Variants in NWD2 observed in about 807,000 individuals in gnomAD.
The protein encoded by NWD2 is NACHT and WD repeat domain-containing protein 2.
Under a neutral mutation model 132.7 loss-of-function variants are expected in NWD2, and 37 were observed. That is an observed-to-expected ratio of 0.28 (90% CI 0.21 to 0.37). The LOEUF (loss-of-function observed/expected upper bound fraction) is 0.37, where lower values mean the gene tolerates loss of function less well. NWD2 is among the 10% of genes least tolerant of loss of function. NWD2 has a pLI of 1.00. For missense variants in NWD2, 1,592 were observed against 2,122.4 expected, an observed-to-expected ratio of 0.75 and a Z score of 4.91; for synonymous variants, 705 against 803.0, an observed-to-expected ratio of 0.88 and a Z score of 2.06.
intron 6 of NWD2, among the ~76,000 whole-genome samples, chr4:37,442,367 T>G (rs183482831): frequency 6.6e-6 from 1 of 152,320 alleles, no homozygotes; most frequent in East Asian, 1.9e-4. Context: ...AAGACTAAAC[T>G]TAGTGGGCTC....
chr4:37,297,048 C>T (rs1032757312), intron 1 of NWD2, among the ~76,000 whole-genome samples: 23 of 152,134 alleles, frequency 1.5e-4, no homozygotes, highest in African/African-American at 5.1e-4. Flanking sequence ...ACACTCTTAA[C>T]CCAGGTTCCC....
At chr4:37,331,619 G>A (rs1195813990) in intron 2 of NWD2, among the ~76,000 whole-genome samples, 1 of 152,138 alleles carries the variant, frequency 6.6e-6, no homozygotes, top group Non-Finnish European at 1.5e-5. Context: ...TGTCAATGAG[G>A]GGACATAGAG....
chr4:37,363,828 A>G (rs907405360), intron 3 of NWD2, among the ~76,000 whole-genome samples: 14 of 152,158 alleles, frequency 9.2e-5, no homozygotes, highest in Non-Finnish European at 1.6e-4. Context: ...GAAATTATAT[A>G]TAAAAAAGCA....
chr4:37,298,880 A>C (rs543582411), intron 1 of NWD2, among the ~76,000 whole-genome samples: 5 of 152,132 alleles, frequency 3.3e-5, no homozygotes, highest in South Asian at 4.1e-4. Context: ...GTTATGGGTG[A>C]AGTACTTTAT....
At chr4:37,277,208 G>T (rs1328392605) in intron 1 of NWD2, among the ~76,000 whole-genome samples, 1 of 151,470 alleles carries the variant, frequency 6.6e-6, no homozygotes, top group Non-Finnish European at 1.5e-5. Context: ...TTTGTGTTTA[G>T]AGTTTTCTGT....
intron 3 of NWD2, among the ~76,000 whole-genome samples, chr4:37,380,077 T>C (rs536634682): frequency 6.6e-6 from 1 of 152,318 alleles, no homozygotes; most frequent in South Asian, 2.1e-4. Flanking sequence ...TTCTAGTGAG[T>C]CAAGCACTAA....
In NWD2 at chr4:37,445,822, T is replaced by C. The variant is rs1217777018; in HGVS notation, c.3834T>C (p.Val1278=). Residue 1278 remains valine, a synonymous_variant, in exon 7 of 7, where the codon GTT becomes GTC. Coordinates refer to ENST00000309447, the MANE Select transcript of NWD2 (RefSeq NM_001144990.2). The surrounding 1 kb of genome is among the most constrained non-coding windows in gnomAD (Gnocchi z 4.7). ...ASLQEISGSI[V]KLVKSSHHNM... ...TGCAGGAAATCTCAGGTTCCATTGT[T>C]AAGTTAGTGAAATCCAGTCACCACA... is the stretch of plus-strand genomic sequence containing the variant. 3 of 1,552,054 alleles carry C rather than the reference T, an allele frequency of 1.9e-6. No homozygotes were observed. Among genetic ancestry groups the C allele is most frequent in the Non-Finnish European group, 2.6e-6 (3 of 1,147,078 alleles).
At chr4:37,409,093 C>T (rs569249285) in intron 3 of NWD2, among the ~76,000 whole-genome samples, 1 of 152,148 alleles carries the variant, frequency 6.6e-6, no homozygotes, top group African/African-American at 2.4e-5. Context: ...AACCAGAATG[C>T]CTCTTCTCCT....
In NWD2 at chr4:37,245,175, C is replaced by A; in HGVS notation, c.108C>A (p.Pro36=). 1.9e-6 allele frequency: 3 copies of A among 1,544,854 alleles called. No individual in the cohort carries two copies. Among genetic ancestry groups the A allele is most frequent in the Non-Finnish European group, 2.6e-6 (3 of 1,146,192 alleles). The change falls in exon 1 of 7, where the codon CCC becomes CCA. Residue 36 remains proline, a synonymous_variant. Coordinates refer to ENST00000309447, the MANE Select transcript of NWD2 (RefSeq NM_001144990.2). ...NLTALPSHLV[P]AGRSVRVFIS... is the part of the protein sequence containing the mutation. Reference sequence around the variant, plus strand: ...CGGCCCTGCCCTCTCACCTCGTGCCCGCCGGCCGCAGCGTCCGGGTCTTCA... The same window carrying A: ...CGGCCCTGCCCTCTCACCTCGTGCCAGCCGGCCGCAGCGTCCGGGTCTTCA...
chr4:37,336,760 G>A (rs956013551), intron 2 of NWD2, among the ~76,000 whole-genome samples: 1 of 151,998 alleles, frequency 6.6e-6, no homozygotes, highest in Non-Finnish European at 1.5e-5. Flanking sequence ...CCAACATGGT[G>A]AAACCCCGTC....
intron 1 of NWD2, among the ~76,000 whole-genome samples, chr4:37,278,117 G>A (rs1718061363): frequency 1.3e-5 from 2 of 152,112 alleles, no homozygotes; most frequent in Admixed American, 1.3e-4. Flanking sequence ...CTGTGTGTAT[G>A]GGATGGGTAA....
chr4:37,445,583 G>A lies in NWD2; in HGVS notation c.3595G>A (p.Glu1199Lys). The A allele has an allele frequency of 1.3e-6, 2 of 1,552,276 alleles. No homozygotes were observed. The highest frequency in any genetic ancestry group is 1.7e-6 in the Non-Finnish European group (2 of 1,147,130). Residue 1199 changes from glutamate to lysine, a missense_variant, in exon 7 of 7, where the codon GAA becomes AAA. By Grantham distance (56) the Glu-to-Lys change is moderately conservative. Coordinates refer to ENST00000309447, the MANE Select transcript of NWD2 (RefSeq NM_001144990.2). This position sits in a 1 kb window ranked among gnomAD's most constrained non-coding sequence, Gnocchi z 4.7. ...TGAGGTGGTCAGCATTGAGCTTTCA[G>A]AAGACCAAAGTGCAGTTCTGATCTG... ...DSEVVSIELS[E>K]DQSAVLICKA...
At chr4:37,412,608 C>A (rs577129757) in intron 3 of NWD2, among the ~76,000 whole-genome samples, 1 of 152,084 alleles carries the variant, frequency 6.6e-6, no homozygotes, top group Admixed American at 6.6e-5. Context: ...CATGGACTTT[C>A]TTCACAGCAT....
At chr4:37,407,595 C>T (rs187455456) in intron 3 of NWD2, among the ~76,000 whole-genome samples, 47 of 152,294 alleles carry the variant, frequency 3.1e-4, no homozygotes, top group African/African-American at 1.0e-3. Flanking sequence ...GAATAAAATG[C>T]CTTCTAACAG....
At chr4:37,348,273 A>G (rs1719677855) in intron 2 of NWD2, among the ~76,000 whole-genome samples, 1 of 152,220 alleles carries the variant, frequency 6.6e-6, no homozygotes, top group Non-Finnish European at 1.5e-5. Context: ...GTTCGTTAAC[A>G]TTCAACATTT....
intron 3 of NWD2, among the ~76,000 whole-genome samples, chr4:37,375,860 C>T (rs1466520947): frequency 6.6e-6 from 1 of 152,136 alleles, no homozygotes; most frequent in Non-Finnish European, 1.5e-5. Flanking sequence ...AGCCACCGCG[C>T]CTGGCCTCTG....
At chr4:37,357,277 GA>G (rs1168131609) in intron 3 of NWD2, among the ~76,000 whole-genome samples, 1 of 151,764 alleles carries the variant, frequency 6.6e-6, no homozygotes, top group African/African-American at 2.4e-5. Flanking sequence ...TGAGTGCTAT[GA>G]AAAAAAATCA....
Position 37,445,544 on chromosome 4 carries a change from C to T in NWD2, c.3556C>T (p.Arg1186Ter), listed in dbSNP as rs560206752. Reference sequence around the variant, plus strand: ...CCAGCTGACTGATGACTTTGATTGCCGAAGAGAAGACAGTGAGGTGGTCAG... The same window carrying T: ...CCAGCTGACTGATGACTTTGATTGCTGAAGAGAAGACAGTGAGGTGGTCAG... ...SPQLTDDFDC[R>*]REDSEVVSIE... Residue 1186 changes from arginine (R) to a stop codon, truncating the protein, a stop_gained, in exon 7 of 7, where the codon CGA becomes TGA. Coordinates refer to ENST00000309447, the MANE Select transcript of NWD2 (RefSeq NM_001144990.2). LOFTEE classifies it high-confidence loss of function. This position sits in a 1 kb window ranked among gnomAD's most constrained non-coding sequence, Gnocchi z 4.7. 2 of 1,551,864 alleles carry T rather than the reference C, an allele frequency of 1.3e-6. No individual in the cohort carries two copies. The highest frequency in any genetic ancestry group is 2.4e-5 in the East Asian group (1 of 40,930).
At chr4:37,394,979 A>AT (rs11406592) in intron 3 of NWD2, among the ~76,000 whole-genome samples, 100,299 of 148,418 alleles carry the variant, frequency 0.68, 33,914 homozygotes, top group South Asian at 0.74. Context: ...TGCCCAGCTA[A>AT]TTTTTTTTTT....
Sources: allele counts gnomAD v4.1 joint callset (sites outside exome capture counted in the v4.1 genomes callset), GRCh38; gene constraint gnomAD v4.1.1; non-coding constraint Gnocchi (gnomAD v3.1); transcripts MANE v1.5; gene names NCBI Gene and HGNC (gene_info 2026-07-23, HGNC 2026-07-21).